KHDRBS2: variants seen among roughly 807,000 people sequenced by gnomAD.
KHDRBS2 encodes KH domain-containing, RNA-binding, signal transduction-associated protein 2.
A neutral mutation model predicts 44.3 loss-of-function variants in KHDRBS2; 26 were observed. That is an observed-to-expected ratio of 0.59 (90% CI 0.43 to 0.81). KHDRBS2 has a LOEUF of 0.81. KHDRBS2 is among the 40% of genes least tolerant of loss of function. KHDRBS2 has a pLI of 0.00. For synonymous variants in KHDRBS2, 194 were observed against 151.1 expected, an observed-to-expected ratio of 1.28 and a Z score of -2.08; for missense variants, 476 against 433.1, an observed-to-expected ratio of 1.10 and a Z score of -0.88.
chr6:61,894,303 T>C (rs145361330), intron 6 of KHDRBS2, among the ~76,000 whole-genome samples: 6 of 152,300 alleles, frequency 3.9e-5, no homozygotes, highest in South Asian at 2.1e-4. Context: ...ATGCTAATCT[T>C]TGTCAAGTTC....
intron 7 of KHDRBS2, among the ~76,000 whole-genome samples, chr6:61,697,916 CCAAA>C (rs1768097086): frequency 6.6e-6 from 1 of 152,152 alleles, no homozygotes; most frequent in African/African-American, 2.4e-5. Context: ...TATTAGCACT[CCAAA>C]GTCTTACGTG....
chr6:61,782,738 T>TATATATACAC (rs1554206170), intron 6 of KHDRBS2, among the ~76,000 whole-genome samples: 9 of 117,868 alleles, frequency 7.6e-5, no homozygotes, highest in African/African-American at 1.5e-4. Flanking sequence ...TATATATATA[T>TATATATACAC]ACACACACAC....
At chr6:61,544,760 A>T in the KHDRBS2 span, among the ~76,000 whole-genome samples, 987 of 152,208 alleles carry the variant, frequency 6.5e-3, 10 homozygotes, top group African/African-American at 0.022. Flanking sequence ...ATAAAAAATG[A>T]TGAGTTTGTG....
At chr6:62,232,901 A>G (rs1833110325) in intron 1 of KHDRBS2, among the ~76,000 whole-genome samples, 1 of 152,156 alleles carries the variant, frequency 6.6e-6, no homozygotes, top group Non-Finnish European at 1.5e-5. Context: ...AACAAGGTCA[A>G]ACAGACCTTG....
At chr6:61,614,988 C>G in the KHDRBS2 span, among the ~76,000 whole-genome samples, 3 of 151,766 alleles carry the variant, frequency 2.0e-5, no homozygotes, top group Non-Finnish European at 4.4e-5. Context: ...AATCCCAGCA[C>G]GTTGGGAGAC....
intron 3 of KHDRBS2, among the ~76,000 whole-genome samples, chr6:61,985,275 G>A (rs187983217): frequency 8.1e-4 from 123 of 152,110 alleles, no homozygotes; most frequent in African/African-American, 2.8e-3. Flanking sequence ...TTTAAAGACC[G>A]AAATATTTTA....
intron 6 of KHDRBS2, among the ~76,000 whole-genome samples, chr6:61,821,537 C>T (rs1789913323): frequency 6.6e-6 from 1 of 151,920 alleles, no homozygotes; most frequent in African/African-American, 2.4e-5. Flanking sequence ...GGTAAGATGA[C>T]ACTTCTAAGA....
chr6:62,262,297 C>T (rs181500107), intron 1 of KHDRBS2, among the ~76,000 whole-genome samples: 1 of 151,912 alleles, frequency 6.6e-6, no homozygotes, highest in Admixed American at 6.6e-5. Flanking sequence ...TACAAAACCA[C>T]TGAAATGAGG....
At chr6:62,182,195 GTATTT>G (rs1305618106) in intron 1 of KHDRBS2, among the ~76,000 whole-genome samples, 2 of 151,936 alleles carry the variant, frequency 1.3e-5, no homozygotes, top group African/African-American at 4.8e-5. Context: ...TCCATTTATG[GTATTT>G]TATTATAGCA....
intron 2 of KHDRBS2, among the ~76,000 whole-genome samples, chr6:62,072,234 A>AT (rs1349527936): frequency 1.3e-5 from 2 of 152,064 alleles, no homozygotes; most frequent in Non-Finnish European, 2.9e-5. Flanking sequence ...GCTTAAGGAG[A>AT]TTTTGGGCTG....
At position 61,817,076 on chromosome 6, in the gene KHDRBS2, A is replaced by T. The variant is rs562490628; in HGVS notation, c.810+77559T>A. The T allele has an allele frequency of 3.9e-4, 160 of 405,362 alleles. 3 individuals are homozygous for T. Among genetic ancestry groups the T allele is most frequent in the South Asian group, 2.8e-3 (159 of 57,478 alleles). 25.1% of individuals were successfully genotyped at this position (405,362 alleles called of 1,614,324 possible). On this transcript the variant is annotated intron_variant, in intron 6 of 8. Transcript: ENST00000281156. ...GGATAATATTCAGGTTTTCTAAAAAAACTTTCCACAAAGCAATCACATTTC... is the reference window on the plus strand; with the variant it reads ...GGATAATATTCAGGTTTTCTAAAAATACTTTCCACAAAGCAATCACATTTC...
chr6:61,556,962 A>G, the KHDRBS2 span, among the ~76,000 whole-genome samples: 2 of 145,584 alleles, frequency 1.4e-5, no homozygotes, highest in Admixed American at 1.4e-4. Flanking sequence ...GTTTGTTGCC[A>G]ACAGCTTTAT....
intron 7 of KHDRBS2, among the ~76,000 whole-genome samples, chr6:61,699,430 A>G (rs1447331551): frequency 6.6e-6 from 1 of 152,032 alleles, no homozygotes; most frequent in Non-Finnish European, 1.5e-5. Context: ...TATAATTCTT[A>G]ATTTATAAGT....
chr6:62,152,018 C>T (rs186692938), intron 2 of KHDRBS2, among the ~76,000 whole-genome samples: 7 of 152,162 alleles, frequency 4.6e-5, no homozygotes, highest in African/African-American at 1.4e-4. Flanking sequence ...ATCTGCTATA[C>T]GGAAATAATA....
At chr6:61,547,913 C>T in the KHDRBS2 span, among the ~76,000 whole-genome samples, 2 of 152,074 alleles carry the variant, frequency 1.3e-5, no homozygotes, top group Non-Finnish European at 2.9e-5. Flanking sequence ...TAGACAAGGG[C>T]TTGGAATAAT....
chr6:61,612,129 T>C, the KHDRBS2 span, among the ~76,000 whole-genome samples: 2 of 111,268 alleles, frequency 1.8e-5, no homozygotes, highest in African/African-American at 3.4e-5. Context: ...ATCCTGAAAA[T>C]TTCCTATGTA....
the KHDRBS2 span, among the ~76,000 whole-genome samples, chr6:61,673,699 T>C: frequency 7.2e-6 from 1 of 138,526 alleles, no homozygotes; most frequent in Non-Finnish European, 1.6e-5. Flanking sequence ...ATAAAATACC[T>C]AGGAATCCAA....
rs879148426 is a variant in KHDRBS2 at position 62,286,181 on chromosome 6, C to G, written c.-233G>C. On this transcript the variant is annotated 5_prime_UTR_variant, in exon 1 of 9. Coordinates refer to ENST00000281156, the MANE Select transcript of KHDRBS2 (RefSeq NM_152688.4). ...CCGTCGTCCCTCGCTCGCGCAGAGC[C>G]CCGGCTCACACCAGCGGCCTTAACT... 3 of 537,478 alleles carry G rather than the reference C, an allele frequency of 5.6e-6. No homozygotes were observed. The highest frequency in any genetic ancestry group is 2.0e-5 in the African/African-American group (1 of 49,154). 33.3% of individuals were successfully genotyped at this position (537,478 alleles called of 1,614,324 possible). A position where few individuals can be genotyped will look rare whatever the true frequency, so the allele number is the denominator to read the frequency against.
chr6:61,724,565 C>G (rs1190736742), intron 7 of KHDRBS2, among the ~76,000 whole-genome samples: 1 of 152,004 alleles, frequency 6.6e-6, no homozygotes, highest in Non-Finnish European at 1.5e-5. Context: ...TTCAAGAGAC[C>G]CATCTCATGT....
Sources: allele counts gnomAD v4.1 joint callset (sites outside exome capture counted in the v4.1 genomes callset), GRCh38; gene constraint gnomAD v4.1.1; transcripts MANE v1.5; gene names NCBI Gene and HGNC (gene_info 2026-07-23, HGNC 2026-07-21).